The following MAGI2 variants were observed in gnomAD, a reference collection of about 807,000 sequenced individuals.
The protein encoded by MAGI2 is membrane associated guanylate kinase, WW and PDZ domain containing 2.
MAGI2 carries 35 observed loss-of-function variants against 133.3 expected under a neutral mutation model. That is an observed-to-expected ratio of 0.26 (90% CI 0.20 to 0.35). The LOEUF (loss-of-function observed/expected upper bound fraction) is 0.35, where lower values mean the gene tolerates loss of function less well. MAGI2 is among the 10% of genes least tolerant of loss of function. The pLI is 1.00. For synonymous variants in MAGI2, 729 were observed against 710.6 expected, an observed-to-expected ratio of 1.03 and a Z score of -0.41; for missense variants, 1,636 against 1,863.4, an observed-to-expected ratio of 0.88 and a Z score of 2.25.
intron 21 of MAGI2, among the ~76,000 whole-genome samples, chr7:78,032,851 A>G (rs1809733675): frequency 6.6e-6 from 1 of 152,158 alleles, no homozygotes; most frequent in African/African-American, 2.4e-5. Flanking sequence ...CAGACAGTGC[A>G]AAGATCCTGA....
chr7:79,266,748 G>C (rs948837040), intron 1 of MAGI2, among the ~76,000 whole-genome samples: 1 of 152,102 alleles, frequency 6.6e-6, no homozygotes, highest in African/African-American at 2.4e-5. Context: ...GGTGACTATG[G>C]TCAGGGCTAC....
intron 15 of MAGI2, among the ~76,000 whole-genome samples, chr7:78,165,552 G>C (rs1005819905): frequency 6.6e-6 from 1 of 152,140 alleles, no homozygotes; most frequent in East Asian, 1.9e-4. Flanking sequence ...AGGCGGAAGC[G>C]TGTCATCCCT....
At chr7:78,483,277 T>C (rs1297875020) in intron 6 of MAGI2, among the ~76,000 whole-genome samples, 2 of 151,942 alleles carry the variant, frequency 1.3e-5, no homozygotes, top group African/African-American at 4.8e-5. Context: ...ATGATGTCAA[T>C]ATTATTTTAA....
chr7:79,171,770 A>ATATATATATTTTTTTTTTTTTTTT, intron 1 of MAGI2, among the ~76,000 whole-genome samples: 1 of 31,224 alleles, frequency 3.2e-5, no homozygotes, highest in Non-Finnish European at 1.1e-4. Flanking sequence ...ATATATATAT[A>ATATATATATTTTTTTTTTTTTTTT]TTTTTTTTTT....
chr7:78,673,075 T>A (rs1814582097), intron 2 of MAGI2, among the ~76,000 whole-genome samples: 1 of 152,188 alleles, frequency 6.6e-6, no homozygotes, highest in Non-Finnish European at 1.5e-5. Context: ...ATACCTTTGT[T>A]TTACCACTTT....
intron 1 of MAGI2, among the ~76,000 whole-genome samples, chr7:79,056,777 T>C (rs917898201): frequency 6.6e-6 from 1 of 152,234 alleles, no homozygotes; most frequent in African/African-American, 2.4e-5. Flanking sequence ...TTAGTGTTTA[T>C]TAAAATACTT....
At chr7:78,910,653 C>A (rs1021871746) in intron 2 of MAGI2, among the ~76,000 whole-genome samples, 1 of 152,094 alleles carries the variant, frequency 6.6e-6, no homozygotes, top group Non-Finnish European at 1.5e-5. Flanking sequence ...GTCTAATATT[C>A]CAACTTCCTA....
chr7:78,750,731 G>T (rs1823377630), intron 2 of MAGI2, among the ~76,000 whole-genome samples: 1 of 152,138 alleles, frequency 6.6e-6, no homozygotes, highest in Non-Finnish European at 1.5e-5. Context: ...AGAATTGTGA[G>T]GCTGGAGGGC....
At chr7:78,360,337 T>C (rs1792646410) in intron 7 of MAGI2, among the ~76,000 whole-genome samples, 1 of 152,210 alleles carries the variant, frequency 6.6e-6, no homozygotes, top group Admixed American at 6.5e-5. Flanking sequence ...GGCAGTGTTG[T>C]TTAATATGCC....
chr7:79,171,060 C>T (rs2129548556), intron 1 of MAGI2, among the ~76,000 whole-genome samples: 1 of 152,090 alleles, frequency 6.6e-6, no homozygotes, highest in East Asian at 1.9e-4. Flanking sequence ...TTAGTGGATA[C>T]AATTGGAAGC....
intron 2 of MAGI2, among the ~76,000 whole-genome samples, chr7:78,785,236 G>T (rs997734392): frequency 1.3e-5 from 2 of 152,016 alleles, no homozygotes; most frequent in African/African-American, 4.8e-5. Flanking sequence ...TACATCCAAG[G>T]AATGCTTTTA....
chr7:78,605,059 G>A (rs1007361647), intron 3 of MAGI2, among the ~76,000 whole-genome samples: 2 of 152,206 alleles, frequency 1.3e-5, no homozygotes, highest in Non-Finnish European at 2.9e-5. Context: ...AGAGGAGGTG[G>A]CAGTGGAAGA....
Position 78,501,848 on chromosome 7 carries a change from T to C in MAGI2, c.755-61A>G, listed in dbSNP as rs562821710. On this transcript the variant is annotated intron_variant, in intron 4 of 21. Transcript: ENST00000354212. ...AACCATGGTAACTCTGGACTGAGTA[T>C]GGAGAATGCTGTACCAGGGAATAAA... 20 of 1,207,648 alleles carry C rather than the reference T, an allele frequency of 1.7e-5. No individual in the cohort carries two copies. In the South Asian group the frequency reaches 2.2e-4, roughly 14 times the overall value. 74.8% of individuals were successfully genotyped at this position (1,207,648 alleles called of 1,614,324 possible).
intron 16 of MAGI2, among the ~76,000 whole-genome samples, chr7:78,143,008 T>C (rs1822921214): frequency 6.6e-6 from 1 of 152,168 alleles, no homozygotes. Flanking sequence ...CAAATAAATA[T>C]TAACCCTATT....
chr7:78,719,572 G>A (rs1415979679), intron 2 of MAGI2, among the ~76,000 whole-genome samples: 1 of 152,190 alleles, frequency 6.6e-6, no homozygotes, highest in Non-Finnish European at 1.5e-5. Flanking sequence ...GGTTTATGCA[G>A]GATCTTGCAC....
intron 6 of MAGI2, among the ~76,000 whole-genome samples, chr7:78,453,624 C>G (rs990756563): frequency 3.3e-5 from 5 of 152,168 alleles, no homozygotes; most frequent in African/African-American, 1.2e-4. Context: ...ACCTCCCCCG[C>G]TGACCTCCAG....
At chr7:78,158,378 G>C (rs1023578471) in intron 16 of MAGI2, 3 of 152,144 alleles carry the variant, frequency 2.0e-5, no homozygotes, top group Non-Finnish European at 2.9e-5. Flanking sequence ...AAACAACCAA[G>C]GAAGCCTGAG....
At chr7:78,737,678 A>G (rs10953684) in intron 2 of MAGI2, among the ~76,000 whole-genome samples, 43,773 of 152,058 alleles carry the variant, frequency 0.29, 6,779 homozygotes, top group South Asian at 0.47. Flanking sequence ...CAAAAAATAT[A>G]AAATAATACA....
chr7:78,978,180 T>C (rs1467956889), intron 2 of MAGI2, among the ~76,000 whole-genome samples: 5 of 151,820 alleles, frequency 3.3e-5, no homozygotes, highest in African/African-American at 9.7e-5. Flanking sequence ...ATTTACCCAA[T>C]TGACTCGAAA....
Sources: allele counts gnomAD v4.1 joint callset (sites outside exome capture counted in the v4.1 genomes callset), GRCh38; gene constraint gnomAD v4.1.1; transcripts MANE v1.5; gene names NCBI Gene and HGNC (gene_info 2026-07-23, HGNC 2026-07-21).